Variants in RPS6KC1 observed in about 807,000 individuals in gnomAD.
RPS6KC1 encodes inactive ribosomal protein S6 kinase delta-1.
A neutral mutation model predicts 103.8 loss-of-function variants in RPS6KC1; 54 were observed. That is an observed-to-expected ratio of 0.52 (90% CI 0.42 to 0.65). The LOEUF is 0.65. Among genes scored for constraint, RPS6KC1 ranks in the 30% least tolerant of loss-of-function variants. The pLI, the probability that RPS6KC1 is intolerant of heterozygous loss-of-function variation, is 0.00. For missense variants in RPS6KC1, 1,151 were observed against 1,253.8 expected (o/e 0.92, Z 1.24); for synonymous variants, 439 against 438.7 (o/e 1.00, Z -0.01).
intron 6 of RPS6KC1, among the ~76,000 whole-genome samples, chr1:213,131,895 C>T (rs997576636): frequency 6.6e-6 from 1 of 152,254 alleles, no homozygotes; most frequent in East Asian, 1.9e-4. Flanking sequence ...CATTTGTTTT[C>T]AGAGAATTAT....
At chr1:213,566,455 T>TGGA in the RPS6KC1 span, among the ~76,000 whole-genome samples, 15 of 28,738 alleles carry the variant, frequency 5.2e-4, no homozygotes, top group South Asian at 1.4e-3. Context: ...TTTTTTTTTT[T>TGGA]TTTTTTTTTT....
chr1:213,119,548 T>C (rs1051633691), intron 5 of RPS6KC1, among the ~76,000 whole-genome samples: 2 of 147,072 alleles, frequency 1.4e-5, no homozygotes, highest in African/African-American at 5.1e-5. Flanking sequence ...GAATGTTTCT[T>C]TTCTCTATTT....
chr1:213,366,105 G>T, the RPS6KC1 span, among the ~76,000 whole-genome samples: 1 of 152,338 alleles, frequency 6.6e-6, no homozygotes, highest in East Asian at 1.9e-4. Context: ...ATCTGTGAGG[G>T]TCTCTCCCTG....
At chr1:213,419,893 C>T in the RPS6KC1 span, among the ~76,000 whole-genome samples, 6 of 152,298 alleles carry the variant, frequency 3.9e-5, no homozygotes, top group South Asian at 4.1e-4. Context: ...TCTGGCTTTG[C>T]CACCCTGTGG....
At chr1:213,416,836 C>T in the RPS6KC1 span, among the ~76,000 whole-genome samples, 1 of 152,184 alleles carries the variant, frequency 6.6e-6, no homozygotes, top group Non-Finnish European at 1.5e-5. Context: ...GGACTGGGGT[C>T]TGCACATGGT....
At chr1:213,851,123 A>G in the RPS6KC1 span, among the ~76,000 whole-genome samples, 1 of 151,978 alleles carries the variant, frequency 6.6e-6, no homozygotes, top group Non-Finnish European at 1.5e-5. Flanking sequence ...CTTGCCTCCT[A>G]CTTCACTGAG....
the RPS6KC1 span, among the ~76,000 whole-genome samples, chr1:213,359,353 G>A: frequency 2.6e-5 from 4 of 152,134 alleles, no homozygotes. Flanking sequence ...TTTAAAGTCT[G>A]TTTTATCAGA....
the RPS6KC1 span, among the ~76,000 whole-genome samples, chr1:213,462,090 A>C: frequency 6.6e-6 from 1 of 152,160 alleles, no homozygotes; most frequent in Non-Finnish European, 1.5e-5. Context: ...ACCCCATCAA[A>C]AAGTGGGCAA....
the RPS6KC1 span, among the ~76,000 whole-genome samples, chr1:213,856,521 CTTCCTTCCTCCAT>C: frequency 1.3e-5 from 2 of 149,334 alleles, no homozygotes; most frequent in African/African-American, 5.0e-5. Flanking sequence ...TTCTCCCTTT[CTTCCTTCCTCCAT>C]TTCCTTTCTC....
At chr1:213,558,893 T>A in the RPS6KC1 span, among the ~76,000 whole-genome samples, 1 of 152,236 alleles carries the variant, frequency 6.6e-6, no homozygotes, top group Non-Finnish European at 1.5e-5. Context: ...TGTCCATAAA[T>A]CTTTTTAGAC....
At chr1:213,062,564 CTT>C (rs949827976) in intron 1 of RPS6KC1, among the ~76,000 whole-genome samples, 1 of 145,044 alleles carries the variant, frequency 6.9e-6, no homozygotes, top group Non-Finnish European at 1.5e-5. Context: ...GCTTTTGAAT[CTT>C]TTTTTTTTTG....
At chr1:213,125,414 G>A (rs1243590407) in intron 5 of RPS6KC1, among the ~76,000 whole-genome samples, 1 of 151,934 alleles carries the variant, frequency 6.6e-6, no homozygotes, top group Non-Finnish European at 1.5e-5. Flanking sequence ...ACTAATTTTT[G>A]TGATGGACAG....
At chr1:213,678,149 G>T in the RPS6KC1 span, among the ~76,000 whole-genome samples, 38 of 152,340 alleles carry the variant, frequency 2.5e-4, no homozygotes, top group South Asian at 7.7e-3. Context: ...GGTATTAGGT[G>T]TTATTAATTT....
At chr1:213,754,164 A>G in the RPS6KC1 span, among the ~76,000 whole-genome samples, 2 of 152,216 alleles carry the variant, frequency 1.3e-5, no homozygotes, top group South Asian at 2.1e-4. Context: ...ACATTTGCTC[A>G]TAGTCCAGAA....
At chr1:213,552,072 G>GTGTA in the RPS6KC1 span, among the ~76,000 whole-genome samples, 1 of 152,240 alleles carries the variant, frequency 6.6e-6, no homozygotes, top group South Asian at 2.1e-4. Flanking sequence ...CACTATCTGG[G>GTGTA]TGTACCACAG....
chr1:213,287,605 C>T, the RPS6KC1 span, among the ~76,000 whole-genome samples: 239 of 152,060 alleles, frequency 1.6e-3, 2 homozygotes, highest in East Asian at 1.7e-3. Context: ...TTGCAAGCAC[C>T]GTTTTGTTCT....
At chr1:213,777,356 T>C in the RPS6KC1 span, among the ~76,000 whole-genome samples, 2 of 152,162 alleles carry the variant, frequency 1.3e-5, no homozygotes, top group Non-Finnish European at 2.9e-5. Context: ...GGGTTGTTCA[T>C]TGGCCTAATT....
At chr1:213,769,169 T>C in the RPS6KC1 span, among the ~76,000 whole-genome samples, 1 of 152,076 alleles carries the variant, frequency 6.6e-6, no homozygotes, top group East Asian at 1.9e-4. Context: ...TGGCTGGTAA[T>C]TAGGATGAAA....
the RPS6KC1 span, among the ~76,000 whole-genome samples, chr1:213,567,793 T>C: frequency 8.1e-4 from 124 of 152,352 alleles, no homozygotes; most frequent in Non-Finnish European, 3.8e-4. Flanking sequence ...GTTGAGATTC[T>C]CCCAACATTT....
Sources: gnomAD v4.1 joint callset for allele counts (sites outside exome capture counted in the v4.1 genomes callset) on GRCh38, gnomAD v4.1.1 for gene constraint, MANE v1.5 for transcripts, NCBI Gene and HGNC (gene_info 2026-07-23, HGNC 2026-07-21) for gene names.